The following WDR27 variants were observed in gnomAD, a reference collection of about 807,000 sequenced individuals.
The protein encoded by WDR27 is WD repeat-containing protein 27.
WDR27 carries 100 observed loss-of-function variants against 114.4 expected under a neutral mutation model. The ratio of observed to expected loss-of-function variants is 0.87; its 90% confidence interval spans 0.74 to 1.03. The LOEUF is 1.03. Ranked by LOEUF, WDR27 falls within the 50% of genes least tolerant of loss-of-function variation. The pLI, the probability that WDR27 is intolerant of heterozygous loss-of-function variation, is 0.00. For synonymous variants in WDR27, 449 were observed against 423.1 expected (o/e 1.06, Z -0.75); for missense variants, 1,129 against 1,092.9 (o/e 1.03, Z -0.47).
intron 25 of WDR27, among the ~76,000 whole-genome samples, chr6:169,479,003 A>C: frequency 6.6e-6 from 1 of 152,224 alleles, no homozygotes; most frequent in East Asian, 1.9e-4. Context: ...GTCCTTGGCA[A>C]ATAATTTTTG....
intron 21 of WDR27, 80 bp from the exon 22 acceptor site, chr6:169,613,736 G>A: frequency 8.1e-7 from 1 of 1,238,978 alleles, no homozygotes; most frequent in Admixed American, 2.3e-5. Context: ...TCTCATAATA[G>A]CTGATTCTCA....
chr6:169,524,895 G>A (rs915429046), intron 25 of WDR27, among the ~76,000 whole-genome samples: 16 of 152,004 alleles, frequency 1.1e-4, no homozygotes, highest in African/African-American at 1.7e-4. Flanking sequence ...GTGTAAAATC[G>A]CAAAAGCACA....
At chr6:169,596,194 A>AT (rs1357556498) in intron 23 of WDR27, among the ~76,000 whole-genome samples, 1 of 152,050 alleles carries the variant, frequency 6.6e-6, no homozygotes, top group East Asian at 1.9e-4. Flanking sequence ...CTATCATAGT[A>AT]TTTGTTCTGT....
At chr6:169,529,313 G>GA (rs1491140657) in intron 25 of WDR27, among the ~76,000 whole-genome samples, 1 of 4,284 alleles carries the variant, frequency 2.3e-4, no homozygotes, top group Admixed American at 8.3e-4. Context: ...TGACCTCTGC[G>GA]GGGGGGGGGG....
At chr6:169,640,919 C>T (rs560793960) in intron 17 of WDR27, among the ~76,000 whole-genome samples, 92 of 152,318 alleles carry the variant, frequency 6.0e-4, no homozygotes, top group Non-Finnish European at 1.2e-3. Flanking sequence ...GTGTTTTCTA[C>T]GTGAGGCCAC....
In WDR27 at chr6:169,487,284, G is replaced by T. The variant is rs532524878; in HGVS notation, c.2646-29650C>A. On this transcript the variant is annotated intron_variant, in intron 25 of 25. Coordinates refer to ENST00000448612, the MANE Select transcript of WDR27 (RefSeq NM_182552.5). ...CATCGACCTCTTCTGTGACAACTAG[G>T]AACATGCCAGAAATATGTCTCCTCC... Among the ~76,000 whole-genome samples, 173 of 152,240 alleles carry T rather than the reference G, an allele frequency of 1.1e-3. No individual in the cohort carries two copies. In the Middle Eastern group the frequency reaches 0.02, roughly 18 times the overall value.
chr6:169,636,255 A>T, intron 19 of WDR27, 116 bp downstream of exon 19: 1 of 1,229,218 alleles, frequency 8.1e-7, no homozygotes, highest in Non-Finnish European at 1.1e-6. Flanking sequence ...GTTTGGTGAT[A>T]TGAGGTCATT....
intron 23 of WDR27, 46 bp from the exon 24 acceptor site, chr6:169,582,980 G>GA (rs1803765692): frequency 6.4e-7 from 1 of 1,565,978 alleles, no homozygotes; most frequent in African/African-American, 1.4e-5. Context: ...TCAGAGTCAG[G>GA]AATCACCTGT....
intron 25 of WDR27, among the ~76,000 whole-genome samples, chr6:169,550,955 A>G (rs1360755198): frequency 1.3e-5 from 2 of 152,160 alleles, no homozygotes; most frequent in Non-Finnish European, 2.9e-5. Flanking sequence ...GACTGAAGCA[A>G]TCTGCCTACC....
intron 21 of WDR27, among the ~76,000 whole-genome samples, chr6:169,627,906 C>T (rs551907300): frequency 5.9e-5 from 9 of 152,292 alleles, no homozygotes; most frequent in Admixed American, 5.9e-4. Context: ...TGAGAACACA[C>T]AGGGAAAGGC....
intron 25 of WDR27, among the ~76,000 whole-genome samples, chr6:169,517,118 C>A (rs1384918661): frequency 6.6e-6 from 1 of 152,064 alleles, no homozygotes; most frequent in Non-Finnish European, 1.5e-5. Flanking sequence ...TTGATGCTGT[C>A]TTTGCAATGG....
At chr6:169,567,987 G>A (rs1019571485) in intron 25 of WDR27, among the ~76,000 whole-genome samples, 2 of 152,220 alleles carry the variant, frequency 1.3e-5, no homozygotes, top group Non-Finnish European at 2.9e-5. Flanking sequence ...GCGCAGAAAA[G>A]CAGCATCTGT....
At chr6:169,434,551 T>C in the WDR27 span, among the ~76,000 whole-genome samples, 1 of 152,150 alleles carries the variant, frequency 6.6e-6, no homozygotes, top group Non-Finnish European at 1.5e-5. Flanking sequence ...TGGTTCCATA[T>C]GAAATTTAAA....
chr6:169,553,155 G>C (rs187355458), intron 25 of WDR27, among the ~76,000 whole-genome samples: 1 of 151,344 alleles, frequency 6.6e-6, no homozygotes, highest in East Asian at 2.0e-4. Context: ...GAGCACTGTG[G>C]GACAGCAGCA....
At position 169,561,497 on chromosome 6, in the gene WDR27, A is replaced by G. The variant is rs76969431; in HGVS notation, c.2645+10922T>C. On this transcript the variant is annotated intron_variant, in intron 25 of 25. Coordinates refer to ENST00000448612, the MANE Select transcript of WDR27 (RefSeq NM_182552.5). ...AGATGAAGTGGTTTCATATCACTTA[A>G]CAATAGAATACCACAGCTAAAGATT... 3.1e-3 allele frequency among the ~76,000 whole-genome samples: 470 copies of G among 152,348 alleles called. 5 individuals are homozygous for G. The highest frequency in any genetic ancestry group is 0.027 in the East Asian group (139 of 5,192).
intron 25 of WDR27, among the ~76,000 whole-genome samples, chr6:169,508,973 G>A (rs570890828): frequency 3.3e-5 from 5 of 152,132 alleles, no homozygotes; most frequent in African/African-American, 1.2e-4. Context: ...TATCGTTGTT[G>A]TTGAGCTCAG....
rs1447725255 is a variant in WDR27, at chr6:169,684,616, G to A, written c.189+4201C>T. Among the ~76,000 whole-genome samples, 1 of 152,196 alleles carries A rather than the reference G, an allele frequency of 6.6e-6. No individual in the cohort carries two copies. Among genetic ancestry groups the A allele is most frequent in the Non-Finnish European group, 1.5e-5 (1 of 68,028 alleles). On this transcript the variant is annotated intron_variant, in intron 2 of 25. Coordinates refer to ENST00000448612, the MANE Select transcript of WDR27 (RefSeq NM_182552.5). This position sits in a 1 kb window ranked among gnomAD's most constrained non-coding sequence, Gnocchi z 4.3. ...GACATACCCCCAGGTCAGCCAAGCA[G>A]CCATAAGCTGTGTGACTATGTCCTG...
chr6:169,526,473 C>A (rs940013130), intron 25 of WDR27, among the ~76,000 whole-genome samples: 1 of 152,016 alleles, frequency 6.6e-6, no homozygotes, highest in Non-Finnish European at 1.5e-5. Context: ...ATCAGCCAGG[C>A]ATGGTGGTGG....
chr6:169,545,154 T>G (rs577257818), intron 25 of WDR27, among the ~76,000 whole-genome samples: 1 of 152,318 alleles, frequency 6.6e-6, no homozygotes, highest in East Asian at 1.9e-4. Context: ...CAGTATAGCT[T>G]ACTTTACAGC....
Sources: allele counts gnomAD v4.1 joint callset (sites outside exome capture counted in the v4.1 genomes callset), GRCh38; gene constraint gnomAD v4.1.1; non-coding constraint Gnocchi (gnomAD v3.1); transcripts MANE v1.5; gene names NCBI Gene and HGNC (gene_info 2026-07-23, HGNC 2026-07-21).